The following WWOX variants were observed in gnomAD, a reference collection of about 807,000 sequenced individuals.
WWOX encodes the protein WW domain containing oxidoreductase, also known as WW domain-containing oxidoreductase.
WWOX carries 69 observed loss-of-function variants against 46.2 expected under a neutral mutation model. The ratio of observed to expected loss-of-function variants is 1.49; its 90% CI spans 1.23 to 1.82. The LOEUF (loss-of-function observed/expected upper bound fraction) is 1.82, where lower values mean the gene tolerates loss of function less well. WWOX is among the 40% of genes most tolerant of loss of function. The probability of loss-of-function intolerance (pLI) is 0.00; values close to 1 mark genes in which losing one functional copy is unlikely to be tolerated. For synonymous variants in WWOX, 359 were observed against 202.6 expected (o/e 1.77, Z -6.56); for missense variants, 919 against 542.6 (o/e 1.69, Z -6.89).
intron 8 of WWOX, among the ~76,000 whole-genome samples, chr16:78,793,721 A>G (rs2050667648): frequency 6.6e-6 from 1 of 152,160 alleles, no homozygotes; most frequent in Non-Finnish European, 1.5e-5. Context: ...AATGCAACTC[A>G]TCCTTGCAGT....
chr16:78,946,076 G>T (rs902151677), intron 8 of WWOX, among the ~76,000 whole-genome samples: 6 of 152,250 alleles, frequency 3.9e-5, no homozygotes, highest in Admixed American at 6.5e-5. Context: ...CGATCTACTG[G>T]ACTTTCTTAA....
At chr16:78,605,864 A>T (rs981407143) in intron 8 of WWOX, among the ~76,000 whole-genome samples, 1 of 152,090 alleles carries the variant, frequency 6.6e-6, no homozygotes, top group Non-Finnish European at 1.5e-5. Context: ...TTTTTCCAGC[A>T]CCATATTTGG....
chr16:78,829,984 A>C (rs1405887266), intron 8 of WWOX, among the ~76,000 whole-genome samples: 1 of 152,174 alleles, frequency 6.6e-6, no homozygotes, highest in Non-Finnish European at 1.5e-5. Flanking sequence ...GGGGCCAGAC[A>C]CAGTGGCTCA....
intron 5 of WWOX, among the ~76,000 whole-genome samples, chr16:78,334,333 A>C (rs1447065673): frequency 6.6e-6 from 1 of 152,228 alleles, no homozygotes; most frequent in Admixed American, 6.5e-5. Context: ...TCATTTTAAT[A>C]GACCAAGCAA....
intron 8 of WWOX, among the ~76,000 whole-genome samples, chr16:78,789,492 T>C (rs548863522): frequency 1.3e-5 from 2 of 152,342 alleles, no homozygotes; most frequent in African/African-American, 4.8e-5. Context: ...CTCTGAATTA[T>C]ATCCCATTGA....
At chr16:78,810,723 A>G (rs371654680) in intron 8 of WWOX, among the ~76,000 whole-genome samples, 4 of 152,222 alleles carry the variant, frequency 2.6e-5, no homozygotes, top group Non-Finnish European at 4.4e-5. Context: ...AGGTGGGAAT[A>G]TAAACTAGAT....
intron 8 of WWOX, among the ~76,000 whole-genome samples, chr16:78,766,329 G>A (rs1447604042): frequency 6.6e-6 from 1 of 152,176 alleles, no homozygotes; most frequent in Non-Finnish European, 1.5e-5. Flanking sequence ...GGGCATGGTA[G>A]CACACTTGTA....
chr16:78,542,714 C>G (rs554434066), intron 8 of WWOX, among the ~76,000 whole-genome samples: 1 of 152,308 alleles, frequency 6.6e-6, no homozygotes, highest in South Asian at 2.1e-4. Context: ...TTCTATCAGC[C>G]CTCTAAACTG....
chr16:78,770,106 C>A (rs760028740), intron 8 of WWOX, among the ~76,000 whole-genome samples: 12 of 151,986 alleles, frequency 7.9e-5, no homozygotes, highest in Admixed American at 5.9e-4. Context: ...AATCCCAGCA[C>A]TTTGGGAATA....
chr16:78,217,831 G>A (rs1253128399), intron 5 of WWOX, among the ~76,000 whole-genome samples: 1 of 152,148 alleles, frequency 6.6e-6, no homozygotes, highest in African/African-American at 2.4e-5. Flanking sequence ...CACAGGTCAA[G>A]TTCTGAAGTC....
intron 6 of WWOX, among the ~76,000 whole-genome samples, chr16:78,390,795 A>G (rs921829868): frequency 1.3e-5 from 2 of 152,232 alleles, no homozygotes; most frequent in Non-Finnish European, 2.9e-5. Flanking sequence ...TGTGTAAAAC[A>G]TAATGACAAA....
intron 8 of WWOX, among the ~76,000 whole-genome samples, chr16:79,146,176 G>T (rs974586319): frequency 6.6e-6 from 1 of 152,198 alleles, no homozygotes; most frequent in Non-Finnish European, 1.5e-5. Flanking sequence ...AATTTAGTCA[G>T]ATGAGCTCTT....
At chr16:78,369,879 T>A (rs2081627913) in intron 5 of WWOX, among the ~76,000 whole-genome samples, 2 of 152,018 alleles carry the variant, frequency 1.3e-5, no homozygotes, top group South Asian at 4.2e-4. Context: ...ATGCCTGTAA[T>A]CCCAGCACTT....
At chr16:78,484,451 C>G (rs1306382252) in intron 8 of WWOX, among the ~76,000 whole-genome samples, 2 of 152,108 alleles carry the variant, frequency 1.3e-5, no homozygotes, top group African/African-American at 4.8e-5. Flanking sequence ...CCTACCTGAG[C>G]TATTAGTTTA....
intron 8 of WWOX, among the ~76,000 whole-genome samples, chr16:78,653,460 G>A (rs1182071597): frequency 2.0e-5 from 3 of 152,208 alleles, no homozygotes; most frequent in Non-Finnish European, 4.4e-5. Flanking sequence ...GCCAGTGATT[G>A]GTTTAGAAAT....
intron 8 of WWOX, among the ~76,000 whole-genome samples, chr16:78,703,431 C>T (rs902278862): frequency 6.7e-6 from 1 of 149,056 alleles, no homozygotes. Context: ...GTGTGGGTAA[C>T]ATAGAGACTC....
intron 5 of WWOX, among the ~76,000 whole-genome samples, chr16:78,353,585 A>G (rs965137848): frequency 6.6e-6 from 1 of 152,246 alleles, no homozygotes; most frequent in South Asian, 2.1e-4. Flanking sequence ...GGTATTCACC[A>G]AGGAATTTAC....
intron 4 of WWOX, among the ~76,000 whole-genome samples, chr16:78,115,443 C>T (rs796258041): frequency 2.0e-5 from 3 of 152,214 alleles, no homozygotes; most frequent in African/African-American, 7.2e-5. Flanking sequence ...GAGTTTTTGA[C>T]CTGGTCTGCA....
chr16:78,466,466 G>T (rs1799726725), intron 8 of WWOX, among the ~76,000 whole-genome samples: 1 of 152,194 alleles, frequency 6.6e-6, no homozygotes, highest in Non-Finnish European at 1.5e-5. Context: ...TTTCATCTCA[G>T]CAAAAAGAGG....
Sources: gnomAD v4.1 joint callset for allele counts (sites outside exome capture counted in the v4.1 genomes callset) on GRCh38, gnomAD v4.1.1 for gene constraint, MANE v1.5 for transcripts, NCBI Gene and HGNC (gene_info 2026-07-23, HGNC 2026-07-21) for gene names.